The following ANAPC10 variants were observed in gnomAD, a reference collection of about 807,000 sequenced individuals.
ANAPC10 encodes anaphase promoting complex subunit 10, also known as anaphase-promoting complex subunit 10.
A neutral mutation model predicts 22.0 loss-of-function variants in ANAPC10; 12 were observed. The ratio of observed to expected loss-of-function variants is 0.55; its 90% confidence interval spans 0.35 to 0.88. ANAPC10 has a LOEUF of 0.88. Ranked by LOEUF, ANAPC10 falls within the 40% of genes least tolerant of loss-of-function variation. The pLI, the probability that ANAPC10 is intolerant of heterozygous loss-of-function variation, is 0.01. For synonymous variants in ANAPC10, 65 were observed against 69.5 expected, an observed-to-expected ratio of 0.94 and a Z score of 0.32; for missense variants, 188 against 220.9, an observed-to-expected ratio of 0.85 and a Z score of 0.94.
At chr4:145,009,591 AAT>A (rs907962819) in intron 4 of ANAPC10, among the ~76,000 whole-genome samples, 2 of 152,164 alleles carry the variant, frequency 1.3e-5, no homozygotes, top group African/African-American at 2.4e-5. Context: ...CTATTTAACA[AAT>A]GGTACTGGGA....
intron 2 of ANAPC10, among the ~76,000 whole-genome samples, chr4:145,082,467 G>GT (rs1471272192): frequency 6.6e-6 from 1 of 152,158 alleles, no homozygotes; most frequent in Non-Finnish European, 1.5e-5. Flanking sequence ...TTTAAAGAAC[G>GT]TATGTATTTA....
chr4:144,996,855 A>G (rs1474133675), intron 4 of ANAPC10, among the ~76,000 whole-genome samples: 1 of 152,166 alleles, frequency 6.6e-6, no homozygotes, highest in Admixed American at 6.5e-5. Context: ...GATTAGACGA[A>G]TGGCTAACTA....
intron 4 of ANAPC10, among the ~76,000 whole-genome samples, chr4:145,062,373 G>A (rs1333097375): frequency 2.0e-5 from 3 of 152,150 alleles, no homozygotes; most frequent in African/African-American, 4.8e-5. Context: ...TTGGGAGGCC[G>A]AGAGAGGCAG....
At chr4:145,063,366 T>G (rs1463771705) in intron 4 of ANAPC10, among the ~76,000 whole-genome samples, 1 of 152,184 alleles carries the variant, frequency 6.6e-6, no homozygotes. Flanking sequence ...CTGTTCTTAT[T>G]TGTCAATACA....
intron 4 of ANAPC10, among the ~76,000 whole-genome samples, chr4:144,999,536 C>T (rs1460390130): frequency 1.3e-5 from 2 of 152,062 alleles, no homozygotes; most frequent in Non-Finnish European, 2.9e-5. Flanking sequence ...CAAACCACTG[C>T]TCAATGAAAT....
intron 3 of ANAPC10, 28 bp from the exon 4 acceptor site, chr4:145,064,720 G>A: frequency 2.0e-6 from 3 of 1,476,944 alleles, no homozygotes; most frequent in Non-Finnish European, 2.7e-6. Context: ...AAAATAACAT[G>A]CACTTCATCA....
chr4:145,074,934 T>A (rs1744980673), intron 3 of ANAPC10, among the ~76,000 whole-genome samples: 1 of 152,162 alleles, frequency 6.6e-6, no homozygotes, highest in Admixed American at 6.5e-5. Context: ...TCCTTCAAAT[T>A]ACGGAAAGAA....
At chr4:145,047,348 C>T (rs1740455595) in intron 4 of ANAPC10, among the ~76,000 whole-genome samples, 1 of 152,154 alleles carries the variant, frequency 6.6e-6, no homozygotes. Context: ...TGGGTTTTTC[C>T]GTCTGTAAGC....
At chr4:145,014,912 C>A (rs1402011446) in intron 4 of ANAPC10, among the ~76,000 whole-genome samples, 2 of 152,094 alleles carry the variant, frequency 1.3e-5, no homozygotes, top group African/African-American at 4.8e-5. Context: ...AGGGAACAGC[C>A]CATGGGACAA....
intron 3 of ANAPC10, among the ~76,000 whole-genome samples, chr4:145,076,409 G>A (rs927831013): frequency 5.9e-5 from 9 of 152,118 alleles, no homozygotes; most frequent in Admixed American, 1.3e-4. Context: ...TAAAACCCTC[G>A]ATGACATCAA....
At chr4:145,016,935 T>A (rs1461903623) in intron 4 of ANAPC10, among the ~76,000 whole-genome samples, 3 of 152,232 alleles carry the variant, frequency 2.0e-5, no homozygotes, top group Non-Finnish European at 4.4e-5. Flanking sequence ...AAGCTGAAAC[T>A]GGATCCCTTC....
chr4:145,041,821 A>T (rs1344474668), intron 4 of ANAPC10, among the ~76,000 whole-genome samples: 1 of 152,204 alleles, frequency 6.6e-6, no homozygotes, highest in African/African-American at 2.4e-5. Flanking sequence ...TCATACAACA[A>T]TTATGAAATG....
intron 3 of ANAPC10, among the ~76,000 whole-genome samples, chr4:145,072,016 A>G (rs567577293): frequency 9.3e-4 from 141 of 152,030 alleles, no homozygotes; most frequent in African/African-American, 3.2e-3. Context: ...AACACAAAAA[A>G]AACAAAAAAA....
intron 4 of ANAPC10, among the ~76,000 whole-genome samples, chr4:145,039,665 G>A (rs186764059): frequency 6.6e-6 from 1 of 152,086 alleles, no homozygotes; most frequent in African/African-American, 2.4e-5. Flanking sequence ...CTAGATCTTG[G>A]AGCACTGCAA....
rs558445818 is a variant in ANAPC10, at chr4:145,008,261, A to G, written c.328-12658T>C. 4.7e-4 allele frequency among the ~76,000 whole-genome samples: 71 copies of G among 152,272 alleles called. 1 individual carries two copies. The East Asian group carries it at 8.9e-3, about 19-fold the overall frequency. ...CAGACAAATTCTACCAGAGGTACAAAGAGGAGCTGGTACCATTCCTTCTGA... is the reference window on the plus strand; with the variant it reads ...CAGACAAATTCTACCAGAGGTACAAGGAGGAGCTGGTACCATTCCTTCTGA... On this transcript the variant is annotated intron_variant, in intron 4 of 4. Coordinates refer to ENST00000507656, the MANE Select transcript of ANAPC10 (RefSeq NM_001256706.2).
At chr4:145,024,121 C>A (rs1736328780) in intron 4 of ANAPC10, among the ~76,000 whole-genome samples, 1 of 152,148 alleles carries the variant, frequency 6.6e-6, no homozygotes, top group Non-Finnish European at 1.5e-5. Flanking sequence ...TAAGTTTTAT[C>A]CATGAGACTG....
At chr4:145,054,634 TGTGTGTGC>T (rs754570947) in intron 4 of ANAPC10, among the ~76,000 whole-genome samples, 1,583 of 101,322 alleles carry the variant, frequency 0.016, 19 homozygotes, top group Admixed American at 0.03. Context: ...TGTGTGTGTG[TGTGTGTGC>T]GCGCGCGCGC....
chr4:145,028,744 T>G (rs1014526812), intron 4 of ANAPC10, among the ~76,000 whole-genome samples: 1 of 152,202 alleles, frequency 6.6e-6, no homozygotes, highest in Admixed American at 6.5e-5. Flanking sequence ...TCACCACTCT[T>G]GAGCGGCAAG....
chr4:144,999,541 T>C (rs1254906111), intron 4 of ANAPC10, among the ~76,000 whole-genome samples: 1 of 152,006 alleles, frequency 6.6e-6, no homozygotes, highest in Non-Finnish European at 1.5e-5. Flanking sequence ...CACTGCTCAA[T>C]GAAATGAAAG....
Sources: gnomAD v4.1 joint callset for allele counts (sites outside exome capture counted in the v4.1 genomes callset) on GRCh38, gnomAD v4.1.1 for gene constraint, MANE v1.5 for transcripts, NCBI Gene and HGNC (gene_info 2026-07-23, HGNC 2026-07-21) for gene names.